The following MDGA2 variants were observed in gnomAD, a reference collection of about 807,000 sequenced individuals.
MDGA2 encodes MAM domain-containing glycosylphosphatidylinositol anchor protein 2.
MDGA2 carries 40 observed loss-of-function variants against 117.8 expected under a neutral mutation model. The ratio of observed to expected loss-of-function variants is 0.34; its 90% CI spans 0.26 to 0.44. The LOEUF (loss-of-function observed/expected upper bound fraction) is 0.44, where lower values mean the gene tolerates loss of function less well. Among genes scored for constraint, MDGA2 ranks in the 20% least tolerant of loss-of-function variants. MDGA2 has a pLI of 1.00. For missense variants in MDGA2, 1,123 were observed against 1,250.6 expected (o/e 0.90, Z 1.54); for synonymous variants, 452 against 439.0 (o/e 1.03, Z -0.37).
At chr14:47,009,160 G>C (rs886780077) in intron 8 of MDGA2, among the ~76,000 whole-genome samples, 1 of 151,854 alleles carries the variant, frequency 6.6e-6, no homozygotes, top group South Asian at 2.1e-4. Flanking sequence ...CTATAGTTTA[G>C]TTCACATTTT....
At chr14:47,672,290 A>G (rs538769501) in intron 1 of MDGA2, among the ~76,000 whole-genome samples, 8 of 152,346 alleles carry the variant, frequency 5.3e-5, no homozygotes, top group African/African-American at 1.9e-4. Flanking sequence ...TAATAACCAC[A>G]TCAATATAAA....
intron 8 of MDGA2, among the ~76,000 whole-genome samples, chr14:46,972,088 T>C (rs1886291383): frequency 6.6e-6 from 1 of 152,082 alleles, no homozygotes; most frequent in Non-Finnish European, 1.5e-5. Context: ...CTATAGCTGG[T>C]AGGTTAGAAG....
intron 2 of MDGA2, among the ~76,000 whole-genome samples, chr14:47,261,312 A>G (rs1043670361): frequency 7.9e-5 from 12 of 152,274 alleles, no homozygotes; most frequent in African/African-American, 2.6e-4. Context: ...TTACAACTGC[A>G]TGATCTCCAT....
At chr14:47,517,392 A>C (rs949758384) in intron 1 of MDGA2, among the ~76,000 whole-genome samples, 1 of 152,184 alleles carries the variant, frequency 6.6e-6, no homozygotes, top group Non-Finnish European at 1.5e-5. Flanking sequence ...GCAAAAGTAC[A>C]AAATGGCAGA....
At chr14:47,261,878 A>AT (rs1282899709) in intron 2 of MDGA2, among the ~76,000 whole-genome samples, 3 of 152,058 alleles carry the variant, frequency 2.0e-5, no homozygotes, top group African/African-American at 7.2e-5. Context: ...CTTGCAGATA[A>AT]TTTTTTGCAC....
chr14:47,411,271 C>CA (rs1022344639), intron 1 of MDGA2, among the ~76,000 whole-genome samples: 3 of 151,170 alleles, frequency 2.0e-5, no homozygotes, highest in African/African-American at 7.3e-5. Context: ...ACAACAACAA[C>CA]AAAAAAACTC....
intron 1 of MDGA2, chr14:47,305,411 T>G (rs776625518): frequency 6.6e-6 from 1 of 152,262 alleles, no homozygotes; most frequent in African/African-American, 2.4e-5. Context: ...CAAATTTCAT[T>G]ATGTAAAATC....
chr14:47,337,577 A>T (rs1296070402), intron 1 of MDGA2, among the ~76,000 whole-genome samples: 1 of 152,082 alleles, frequency 6.6e-6, no homozygotes, highest in Non-Finnish European at 1.5e-5. Context: ...AGATATAAAT[A>T]CTACTAGAGA....
At chr14:47,535,230 GC>G (rs1481961694) in intron 1 of MDGA2, among the ~76,000 whole-genome samples, 1 of 152,042 alleles carries the variant, frequency 6.6e-6, no homozygotes, top group Non-Finnish European at 1.5e-5. Context: ...ACAATTACTT[GC>G]TTTTGATGGT....
At chr14:47,249,139 C>A (rs905083583) in intron 2 of MDGA2, among the ~76,000 whole-genome samples, 17 of 151,584 alleles carry the variant, frequency 1.1e-4, no homozygotes, top group African/African-American at 3.9e-4. Flanking sequence ...TGCCTCAGCC[C>A]CCCGAGTAGA....
At chr14:47,360,377 A>G (rs563707398) in intron 1 of MDGA2, among the ~76,000 whole-genome samples, 1 of 147,234 alleles carries the variant, frequency 6.8e-6, no homozygotes, top group African/African-American at 2.5e-5. Context: ...AAATAAATAA[A>G]TAAATAAATA....
chr14:47,482,550 ATCTAATT>A (rs1893976101), intron 1 of MDGA2, among the ~76,000 whole-genome samples: 1 of 152,224 alleles, frequency 6.6e-6, no homozygotes, highest in Non-Finnish European at 1.5e-5. Context: ...ATGCAGATGT[ATCTAATT>A]TTAAAATCTA....
At chr14:47,517,867 GA>G (rs1185409172) in intron 1 of MDGA2, among the ~76,000 whole-genome samples, 3 of 152,028 alleles carry the variant, frequency 2.0e-5, no homozygotes, top group Non-Finnish European at 4.4e-5. Flanking sequence ...TTAATATAAA[GA>G]AAAAGTGTGT....
At chr14:46,930,621 A>AGGTACT (rs1884532903) in intron 9 of MDGA2, among the ~76,000 whole-genome samples, 1 of 152,198 alleles carries the variant, frequency 6.6e-6, no homozygotes, top group Non-Finnish European at 1.5e-5. Context: ...TGTACTTGAA[A>AGGTACT]TGAGAAAGAG....
chr14:46,863,684 T>G (rs1447774855), intron 14 of MDGA2, among the ~76,000 whole-genome samples: 1 of 152,158 alleles, frequency 6.6e-6, no homozygotes, highest in Non-Finnish European at 1.5e-5. Context: ...TACTGTGTTC[T>G]CAGCCTTACT....
intron 1 of MDGA2, among the ~76,000 whole-genome samples, chr14:47,478,868 T>C (rs1349332852): frequency 6.6e-6 from 1 of 152,126 alleles, no homozygotes; most frequent in East Asian, 1.9e-4. Context: ...TTAGAAATCT[T>C]TTGACATCTT....
At chr14:47,647,379 G>C in intron 1 of MDGA2, among the ~76,000 whole-genome samples, 1 of 151,870 alleles carries the variant, frequency 6.6e-6, no homozygotes, top group Non-Finnish European at 1.5e-5. Context: ...TCCTTGGGAT[G>C]ACTTTTCCTT....
At chr14:47,534,018 T>C (rs1334689660) in intron 1 of MDGA2, among the ~76,000 whole-genome samples, 10 of 152,300 alleles carry the variant, frequency 6.6e-5, no homozygotes, top group Non-Finnish European at 2.9e-5. Context: ...CTAAACCTTT[T>C]CCACTATAGT....
chr14:46,950,228 C>T (rs544288337), intron 9 of MDGA2, among the ~76,000 whole-genome samples: 19 of 151,732 alleles, frequency 1.3e-4, no homozygotes, highest in Admixed American at 2.6e-4. Context: ...TTTCAGATTT[C>T]GCATGGATTC....
Sources: allele counts gnomAD v4.1 joint callset (sites outside exome capture counted in the v4.1 genomes callset), GRCh38; gene constraint gnomAD v4.1.1; transcripts MANE v1.5; gene names NCBI Gene and HGNC (gene_info 2026-07-23, HGNC 2026-07-21).